ATP6V0D2: variants seen among roughly 807,000 people sequenced by gnomAD.
ATP6V0D2 encodes the protein V-type proton ATPase subunit d 2.
A neutral mutation model predicts 40.0 loss-of-function variants in ATP6V0D2; 40 were observed. The ratio of observed to expected loss-of-function variants is 1.00; its 90% CI spans 0.78 to 1.30. ATP6V0D2 has a LOEUF of 1.30. ATP6V0D2 is among the 50% of genes most tolerant of loss of function. ATP6V0D2 has a pLI of 0.00. For missense variants in ATP6V0D2, 470 were observed against 423.1 expected (o/e 1.11, Z -0.97); for synonymous variants, 179 against 156.3 (o/e 1.15, Z -1.08).
At chr8:86,127,383 A>G (rs75892398) in intron 2 of ATP6V0D2, among the ~76,000 whole-genome samples, 1,665 of 152,276 alleles carry the variant, frequency 0.011, 7 homozygotes, top group Non-Finnish European at 0.02. Flanking sequence ...TAATTCCTCA[A>G]TGAAACTCGT....
chr8:86,132,953 A>C (rs541636556), intron 2 of ATP6V0D2, among the ~76,000 whole-genome samples: 1 of 152,276 alleles, frequency 6.6e-6, no homozygotes, highest in South Asian at 2.1e-4. Context: ...AATGGTGTAT[A>C]AGAATCTCCT....
At chr8:86,142,471 A>G (rs1818988233) in intron 4 of ATP6V0D2, among the ~76,000 whole-genome samples, 2 of 152,186 alleles carry the variant, frequency 1.3e-5, no homozygotes, top group Non-Finnish European at 2.9e-5. Context: ...TTTCCCATAT[A>G]GCTCCATGCT....
chr8:86,114,098 G>A (rs930239336), intron 2 of ATP6V0D2, among the ~76,000 whole-genome samples: 2 of 151,586 alleles, frequency 1.3e-5, no homozygotes, highest in Non-Finnish European at 2.9e-5. Flanking sequence ...TTATATCAGC[G>A]GTGGTGGCCT....
chr8:86,145,955 T>G (rs1408726247), intron 5 of ATP6V0D2, among the ~76,000 whole-genome samples: 1 of 152,190 alleles, frequency 6.6e-6, no homozygotes, highest in African/African-American at 2.4e-5. Context: ...TAGTCTAGTA[T>G]CTATTTTTCA....
chr8:86,142,759 T>A (rs562298746), intron 4 of ATP6V0D2, 118 bp from the exon 5 acceptor site: 116 of 590,166 alleles, frequency 2.0e-4, no homozygotes, highest in African/African-American at 2.0e-3. Context: ...TATCTTCCTA[T>A]GGGAGATGTA....
chr8:86,144,885 G>A (rs1819025964), intron 5 of ATP6V0D2, among the ~76,000 whole-genome samples: 2 of 151,984 alleles, frequency 1.3e-5, no homozygotes, highest in African/African-American at 4.8e-5. Context: ...GCTGGGCATG[G>A]TGGCTCACAC....
At chr8:86,143,748 C>T (rs1360598369) in intron 5 of ATP6V0D2, among the ~76,000 whole-genome samples, 1 of 152,180 alleles carries the variant, frequency 6.6e-6, no homozygotes, top group Admixed American at 6.5e-5. Flanking sequence ...TCTAGGAATG[C>T]AGCCCAGTAG....
At chr8:86,146,599 G>A (rs781686089) in intron 5 of ATP6V0D2, among the ~76,000 whole-genome samples, 6 of 152,192 alleles carry the variant, frequency 3.9e-5, no homozygotes, top group African/African-American at 1.4e-4. Flanking sequence ...AGGAGGCTGA[G>A]GTGGGAAGAT....
At chr8:86,137,947 T>A (rs904999491) in intron 2 of ATP6V0D2, among the ~76,000 whole-genome samples, 1 of 152,218 alleles carries the variant, frequency 6.6e-6, no homozygotes, top group Non-Finnish European at 1.5e-5. Context: ...GTAAAGCACC[T>A]CATTGTATAG....
intron 7 of ATP6V0D2, 38 bp from the exon 8 acceptor site, chr8:86,152,778 T>A: frequency 6.4e-7 from 1 of 1,560,870 alleles, no homozygotes; most frequent in Non-Finnish European, 8.6e-7. Context: ...ATGTTCCAAA[T>A]AAGTTGATGA....
chr8:86,140,339 AT>A (rs1260728901), intron 3 of ATP6V0D2, among the ~76,000 whole-genome samples: 1 of 152,126 alleles, frequency 6.6e-6, no homozygotes, highest in South Asian at 2.1e-4. Context: ...CAAAAAAAAA[AT>A]ATTTGTGTCA....
intron 1 of ATP6V0D2, among the ~76,000 whole-genome samples, chr8:86,111,434 G>A (rs372389440): frequency 7.9e-5 from 12 of 152,116 alleles, no homozygotes; most frequent in Non-Finnish European, 1.6e-4. Flanking sequence ...TTTGAAGGCC[G>A]AGCAGTATCC....
At chr8:86,108,588 A>G (rs1025155478) in intron 1 of ATP6V0D2, among the ~76,000 whole-genome samples, 2 of 152,054 alleles carry the variant, frequency 1.3e-5, no homozygotes, top group African/African-American at 4.8e-5. Flanking sequence ...TGGATAGAAC[A>G]GTAGATAGTC....
chr8:86,112,566 C>T (rs1463884479), intron 1 of ATP6V0D2, among the ~76,000 whole-genome samples: 15 of 152,010 alleles, frequency 9.9e-5, no homozygotes, highest in Non-Finnish European at 2.1e-4. Context: ...ATACCTGGTA[C>T]CTAATAAGCA....
intron 5 of ATP6V0D2, among the ~76,000 whole-genome samples, chr8:86,144,841 A>T (rs112088999): frequency 1.1e-4 from 13 of 116,758 alleles, no homozygotes; most frequent in Non-Finnish European, 1.7e-4. Context: ...TAAGTGTTTT[A>T]TTTTTTAAAA....
At chr8:86,111,877 C>T (rs1035846095) in intron 1 of ATP6V0D2, among the ~76,000 whole-genome samples, 1 of 152,184 alleles carries the variant, frequency 6.6e-6, no homozygotes, top group African/African-American at 2.4e-5. Flanking sequence ...AATCAAGGAC[C>T]TTATCTTTAT....
intron 2 of ATP6V0D2, among the ~76,000 whole-genome samples, chr8:86,131,739 G>T (rs764728753): frequency 1.3e-5 from 2 of 152,012 alleles, no homozygotes; most frequent in Non-Finnish European, 2.9e-5. Flanking sequence ...GACCTCCGGT[G>T]ATTTGCCCAC....
chr8:86,102,702 A>G (rs1818418865), intron 1 of ATP6V0D2, among the ~76,000 whole-genome samples: 2 of 152,216 alleles, frequency 1.3e-5, no homozygotes. Flanking sequence ...GGTTAAGTGT[A>G]GTAAGAAATA....
chr8:86,121,036 A>G (rs1818662087), intron 2 of ATP6V0D2, among the ~76,000 whole-genome samples: 1 of 152,154 alleles, frequency 6.6e-6, no homozygotes, highest in Admixed American at 6.6e-5. Context: ...AAAATGTTTA[A>G]TCAGGGGGCC....
Sources: gnomAD v4.1 joint callset for allele counts (sites outside exome capture counted in the v4.1 genomes callset) on GRCh38, gnomAD v4.1.1 for gene constraint, MANE v1.5 for transcripts, NCBI Gene and HGNC (gene_info 2026-07-23, HGNC 2026-07-21) for gene names.